The following ROCK1 variants were observed in gnomAD, a reference collection of about 807,000 sequenced individuals.
ROCK1 encodes rho-associated protein kinase 1.
In ROCK1, 36 loss-of-function variants were observed where a neutral mutation model predicts 196.8. The ratio of observed to expected loss-of-function variants is 0.18; its 90% CI spans 0.14 to 0.24. ROCK1 has a LOEUF of 0.24. ROCK1 is among the 10% of genes least tolerant of loss of function. The pLI is 1.00. For missense variants in ROCK1, 920 were observed against 1,562.0 expected (o/e 0.59, Z 6.93); for synonymous variants, 443 against 515.9 (o/e 0.86, Z 1.91).
intron 4 of ROCK1, 141 bp downstream of exon 4, chr18:21,048,950 AT>A (rs2036182817): frequency 1.7e-6 from 1 of 586,770 alleles, no homozygotes; most frequent in Non-Finnish European, 2.6e-6. Flanking sequence ...ATACAATTAA[AT>A]TTTAAGATTT....
Position 20,959,129 on chromosome 18 carries a change from ATT to A in ROCK1, c.3512+709_3512+710del, listed in dbSNP as rs1491153140. On this transcript the variant is annotated intron_variant, in intron 29 of 32. Coordinates refer to ENST00000399799, the MANE Select transcript of ROCK1 (RefSeq NM_005406.3). ...TATATATATATTATATAATATATATATTATATATATTATATAAAATATATATA... is the reference window on the plus strand; with the variant it reads ...TATATATATATTATATAATATATATAATATATATTATATAAAATATATATA... Among the ~76,000 whole-genome samples the A allele has an allele frequency of 3.0e-3, 163 of 53,944 alleles. 6 individuals carry two copies. Among genetic ancestry groups the A allele is most frequent in the African/African-American group, 0.022 (152 of 6,932 alleles). 35.4% of individuals were successfully genotyped at this position (53,944 alleles called of 152,430 possible). A position where few individuals can be genotyped will look rare whatever the true frequency, so the allele number is the denominator to read the frequency against.
intron 2 of ROCK1, 58 bp downstream of exon 2, chr18:21,070,474 A>G (rs1005418895): frequency 5.7e-6 from 5 of 884,172 alleles, no homozygotes; most frequent in African/African-American, 5.1e-5. Context: ...CTTGAATGAC[A>G]TAAGTGAAAA....
intron 16 of ROCK1, among the ~76,000 whole-genome samples, chr18:21,000,568 T>G (rs1442453387): frequency 6.6e-6 from 1 of 152,056 alleles, no homozygotes; most frequent in Non-Finnish European, 1.5e-5. Context: ...TGGCTGCCAA[T>G]CGATTTTCAA....
At chr18:20,954,757 T>C (rs374480219) in intron 31 of ROCK1, 26 bp downstream of exon 31, 121 of 1,555,070 alleles carry the variant, frequency 7.8e-5, no homozygotes, top group Non-Finnish European at 8.4e-5. Flanking sequence ...TTGTTATAAG[T>C]TGTAACAATA....
intron 16 of ROCK1, among the ~76,000 whole-genome samples, chr18:20,996,670 G>A (rs114754067): frequency 1.7e-3 from 258 of 152,298 alleles, no homozygotes; most frequent in African/African-American, 5.9e-3. Context: ...CAATTGCAGT[G>A]TATAAATTAT....
chr18:21,107,542 G>C lies in ROCK1; in HGVS notation c.93+3276C>G, dbSNP rs376991918. Among the ~76,000 whole-genome samples, 16 of 152,198 alleles carry C rather than the reference G, an allele frequency of 1.1e-4. 1 individual carries two copies. The South Asian group carries it at 3.3e-3, about 32-fold the overall frequency. ...CAGAAAAAGGCAACCAATGTAAAAG[G>C]AGTTTTGTTCCTATAATACATGAGA... On this transcript the variant is annotated intron_variant, in intron 1 of 32. Transcript: ENST00000399799.
At chr18:21,045,053 G>T in intron 5 of ROCK1, 1 of 281,104 alleles carries the variant, frequency 3.6e-6, no homozygotes, top group Non-Finnish European at 6.5e-6. Flanking sequence ...GTAGAGATGG[G>T]TTTCACCATG....
At chr18:20,980,585 C>G (rs1004823791) in intron 21 of ROCK1, among the ~76,000 whole-genome samples, 6 of 152,090 alleles carry the variant, frequency 3.9e-5, no homozygotes, top group African/African-American at 1.4e-4. Context: ...TCAAAATTTA[C>G]TAACCAGTAC....
chr18:20,963,037 T>C (rs2143344644), intron 27 of ROCK1, among the ~76,000 whole-genome samples: 1 of 152,238 alleles, frequency 6.6e-6, no homozygotes, highest in East Asian at 1.9e-4. Flanking sequence ...TTCCATCTTT[T>C]ATATCACAAG....
intron 1 of ROCK1, among the ~76,000 whole-genome samples, chr18:21,076,179 C>T (rs1346068920): frequency 6.6e-6 from 1 of 152,152 alleles, no homozygotes; most frequent in Admixed American, 6.5e-5. Context: ...CGCACAACAA[C>T]GTGAATGATT....
intron 31 of ROCK1, 42 bp downstream of exon 31, chr18:20,954,741 T>A: frequency 8.1e-7 from 1 of 1,240,360 alleles, no homozygotes; most frequent in Non-Finnish European, 1.1e-6. Context: ...AGACTTAAAA[T>A]TAAATTTGTT....
chr18:21,000,087 G>A (rs1340948778), intron 16 of ROCK1, among the ~76,000 whole-genome samples: 7 of 152,134 alleles, frequency 4.6e-5, no homozygotes, highest in Non-Finnish European at 8.8e-5. Flanking sequence ...AAAACATACT[G>A]AAGAACAACA....
chr18:20,971,243 TAGTG>T (rs1450824211), intron 22 of ROCK1, among the ~76,000 whole-genome samples: 2 of 151,366 alleles, frequency 1.3e-5, no homozygotes, highest in Admixed American at 6.6e-5. Context: ...TCCTATTTTC[TAGTG>T]AGTATTACAA....
chr18:20,986,008 G>A (rs1311739168), intron 19 of ROCK1, among the ~76,000 whole-genome samples: 5 of 152,012 alleles, frequency 3.3e-5, no homozygotes, highest in East Asian at 1.9e-4. Flanking sequence ...ATAGGCATGC[G>A]ACACCACACC....
intron 1 of ROCK1, among the ~76,000 whole-genome samples, chr18:21,076,556 G>A (rs1349393287): frequency 6.6e-6 from 1 of 152,044 alleles, no homozygotes; most frequent in African/African-American, 2.4e-5. Flanking sequence ...TTGTGTGTGT[G>A]TACATATATA....
At chr18:21,053,940 T>C (rs529002356) in intron 2 of ROCK1, among the ~76,000 whole-genome samples, 1 of 152,326 alleles carries the variant, frequency 6.6e-6, no homozygotes, top group East Asian at 1.9e-4. Context: ...TGGTGATACA[T>C]ATAGCACTCA....
intron 16 of ROCK1, among the ~76,000 whole-genome samples, chr18:20,994,732 A>G (rs1451560295): frequency 6.6e-6 from 1 of 152,226 alleles, no homozygotes; most frequent in Non-Finnish European, 1.5e-5. Flanking sequence ...CAACCACATG[A>G]AAGAGACAAA....
intron 2 of ROCK1, among the ~76,000 whole-genome samples, chr18:21,051,625 C>T (rs2036204634): frequency 6.6e-6 from 1 of 152,148 alleles, no homozygotes; most frequent in African/African-American, 2.4e-5. Flanking sequence ...ACCTATCAGC[C>T]AGTAGTTACA....
At chr18:21,040,539 T>A (rs2036096454) in intron 8 of ROCK1, among the ~76,000 whole-genome samples, 1 of 152,130 alleles carries the variant, frequency 6.6e-6, no homozygotes, top group African/African-American at 2.4e-5. Flanking sequence ...ATAAAGAAAA[T>A]ACTCTAAATT....
Sources: gnomAD v4.1 joint callset for allele counts (sites outside exome capture counted in the v4.1 genomes callset) on GRCh38, gnomAD v4.1.1 for gene constraint, MANE v1.5 for transcripts, NCBI Gene and HGNC (gene_info 2026-07-23, HGNC 2026-07-21) for gene names.